The following FAAH2 variants were observed in gnomAD, a reference collection of about 807,000 sequenced individuals.
FAAH2 encodes fatty-acid amide hydrolase 2.
FAAH2 carries 60 observed loss-of-function variants against 36.9 expected under a neutral mutation model. The observed-to-expected ratio is 1.63, with a 90% confidence interval of 1.32 to 2.02. FAAH2 has a LOEUF of 2.02. FAAH2 is among the 30% of genes most tolerant of loss of function. The pLI, the probability that FAAH2 is intolerant of heterozygous loss-of-function variation, is 0.00. For synonymous variants in FAAH2, 214 were observed against 143.8 expected (o/e 1.49, Z -3.49); for missense variants, 689 against 397.5 (o/e 1.73, Z -6.23).
the FAAH2 span, among the ~76,000 whole-genome samples, chrX:57,225,523 T>A: frequency 8.9e-6 from 1 of 111,878 alleles, no homozygotes; most frequent in Non-Finnish European, 1.9e-5. Flanking sequence ...TAATTTCAAT[T>A]TTCTTAAATT....
At chrX:57,205,310 C>A in the FAAH2 span, among the ~76,000 whole-genome samples, 1 of 112,356 alleles carries the variant, frequency 8.9e-6, no homozygotes, top group Admixed American at 9.4e-5. Flanking sequence ...AAATGTCTAG[C>A]GTTAAATATT....
rs1356795528 is a variant in FAAH2, at chrX:57,380,993, C to T, written c.960C>T (p.Ser320=). Residue 320 remains serine (S), a synonymous_variant, in exon 7 of 11, where the codon TCC becomes TCT. Coordinates refer to ENST00000374900, the MANE Select transcript of FAAH2 (RefSeq NM_174912.4). ...ATGATGGAGGCTCATTTTTAATGTC[C>T]AAAGTGGACCAAGATCTCATTATGA... The part of the protein sequence containing the change: ...MEHDGGSFLM[S]KVDQDLIMTQ... The T allele has an allele frequency of 8.4e-7, 1 of 1,190,857 alleles. No homozygotes were observed.
the FAAH2 span, among the ~76,000 whole-genome samples, chrX:57,255,639 G>A: frequency 0.011 from 1,272 of 111,943 alleles, 17 homozygotes; most frequent in African/African-American, 0.04. Context: ...ATCAATGAAT[G>A]TAATCTATCA....
At chrX:57,306,949 C>A (rs2052550840) in intron 2 of FAAH2, among the ~76,000 whole-genome samples, 1 of 53,911 alleles carries the variant, frequency 1.9e-5, no homozygotes, top group Non-Finnish European at 3.9e-5. Flanking sequence ...CTATATAGTA[C>A]TATATATGTA....
chrX:57,339,246 C>A (rs2053629860), intron 4 of FAAH2, among the ~76,000 whole-genome samples: 2 of 112,080 alleles, frequency 1.8e-5, no homozygotes, highest in Admixed American at 1.9e-4. Context: ...TTCTTTACAC[C>A]TTGTACAAAA....
chrX:57,388,199 A>G (rs191664564), intron 7 of FAAH2, among the ~76,000 whole-genome samples: 530 of 111,420 alleles, frequency 4.8e-3, no homozygotes, highest in Non-Finnish European at 7.6e-3. Context: ...AAAGTTAATA[A>G]CTTTATATAG....
intron 3 of FAAH2, among the ~76,000 whole-genome samples, chrX:57,322,865 G>A: frequency 9.2e-6 from 1 of 108,979 alleles, no homozygotes. Context: ...TAAGTTTTAG[G>A]GTACAGGTGC....
At chrX:57,197,835 C>T in the FAAH2 span, among the ~76,000 whole-genome samples, 4 of 112,149 alleles carry the variant, frequency 3.6e-5, no homozygotes, top group African/African-American at 1.3e-4. Context: ...GTTTAGCGCA[C>T]TGGTTTCCTT....
At chrX:57,379,183 C>A (rs1329235493) in intron 6 of FAAH2, among the ~76,000 whole-genome samples, 1 of 111,457 alleles carries the variant, frequency 9.0e-6, no homozygotes, top group Non-Finnish European at 1.9e-5. Context: ...CTAGACAGCT[C>A]TTTTTTAATA....
At chrX:57,484,827 C>T (rs775699749) in intron 10 of FAAH2, among the ~76,000 whole-genome samples, 10 of 110,740 alleles carry the variant, frequency 9.0e-5, no homozygotes, top group Non-Finnish European at 1.9e-4. Context: ...TCTCCAGGCC[C>T]CTAGATGGCC....
intron 7 of FAAH2, among the ~76,000 whole-genome samples, chrX:57,389,949 GA>G (rs1377467022): frequency 1.8e-5 from 2 of 109,011 alleles, no homozygotes; most frequent in African/African-American, 3.3e-5. Context: ...TAGTGTTGTT[GA>G]TTTTTTTTTT....
At chrX:57,392,997 T>C in intron 7 of FAAH2, 2 of 920,384 alleles carry the variant, frequency 2.2e-6, no homozygotes, top group Admixed American at 2.2e-5. Context: ...GAGCTTGAGG[T>C]CATAAAGGAG....
chrX:57,400,492 G>T (rs889281382), intron 7 of FAAH2, among the ~76,000 whole-genome samples: 3 of 112,257 alleles, frequency 2.7e-5, no homozygotes, highest in African/African-American at 9.7e-5. Flanking sequence ...TTGGGTTAGA[G>T]CCTTCTTTAG....
intron 2 of FAAH2, among the ~76,000 whole-genome samples, chrX:57,306,128 G>T (rs1282083085): frequency 8.9e-6 from 1 of 111,785 alleles, no homozygotes; most frequent in Non-Finnish European, 1.9e-5. Context: ...TCCAGAAAGT[G>T]GGTAACTTCA....
chrX:57,448,756 G>T, intron 10 of FAAH2, 38 bp downstream of exon 10: 1 of 1,120,735 alleles, frequency 8.9e-7, no homozygotes. Flanking sequence ...TAATCTTAAA[G>T]AAATAGAGAT....
At chrX:57,355,132 G>T (rs1281816031) in intron 5 of FAAH2, among the ~76,000 whole-genome samples, 1 of 110,772 alleles carries the variant, frequency 9.0e-6, no homozygotes, top group East Asian at 2.8e-4. Flanking sequence ...AACCTCCAGA[G>T]TCTCAGTTTC....
the FAAH2 span, among the ~76,000 whole-genome samples, chrX:57,140,923 A>G: frequency 2.7e-5 from 3 of 111,929 alleles, no homozygotes; most frequent in Non-Finnish European, 3.8e-5. Flanking sequence ...AAACCCCAGC[A>G]TTATGCAGTG....
At chrX:57,141,595 A>C in the FAAH2 span, among the ~76,000 whole-genome samples, 1 of 111,209 alleles carries the variant, frequency 9.0e-6, no homozygotes, top group East Asian at 2.8e-4. Context: ...TTTTATTACC[A>C]TTGCTATCTC....
chrX:57,474,952 TAAG>T (rs1255195988), intron 10 of FAAH2, among the ~76,000 whole-genome samples: 1 of 112,029 alleles, frequency 8.9e-6, no homozygotes, highest in Non-Finnish European at 1.9e-5. Flanking sequence ...TGACCAGTGA[TAAG>T]GAGCATTTTT....
Sources: allele counts gnomAD v4.1 joint callset (sites outside exome capture counted in the v4.1 genomes callset), GRCh38; gene constraint gnomAD v4.1.1; transcripts MANE v1.5; gene names NCBI Gene and HGNC (gene_info 2026-07-23, HGNC 2026-07-21).